Variants in CCDC30 observed in about 807,000 individuals in gnomAD.
CCDC30 encodes coiled-coil domain containing 30, also known as coiled-coil domain-containing protein 30.
In CCDC30, 70 loss-of-function variants were observed where a neutral mutation model predicts 100.2. The observed-to-expected ratio is 0.70, with a 90% CI of 0.58 to 0.85. The LOEUF (loss-of-function observed/expected upper bound fraction) is 0.85. CCDC30 is among the 40% of genes least tolerant of loss of function. The pLI is 0.00. For missense variants in CCDC30, 652 were observed against 771.2 expected, an observed-to-expected ratio of 0.85 and a Z score of 1.83; for synonymous variants, 233 against 269.5, an observed-to-expected ratio of 0.86 and a Z score of 1.33.
At chr1:42,643,044 A>G (rs1341075613) in intron 13 of CCDC30, among the ~76,000 whole-genome samples, 5 of 152,340 alleles carry the variant, frequency 3.3e-5, no homozygotes, top group South Asian at 4.1e-4. Flanking sequence ...AATAAGTCAT[A>G]TATCAGCCAG....
intron 6 of CCDC30, among the ~76,000 whole-genome samples, chr1:42,510,984 C>CTTCA (rs1644469456): frequency 6.6e-6 from 1 of 151,998 alleles, no homozygotes; most frequent in African/African-American, 2.4e-5. Flanking sequence ...AGTCCTTGTG[C>CTTCA]TTCAGAAAGC....
At chr1:42,617,157 G>T (rs1646741331) in intron 11 of CCDC30, among the ~76,000 whole-genome samples, 1 of 152,040 alleles carries the variant, frequency 6.6e-6, no homozygotes, top group Non-Finnish European at 1.5e-5. Flanking sequence ...ATAATAAATT[G>T]GTCTGGCATG....
intron 10 of CCDC30, among the ~76,000 whole-genome samples, chr1:42,598,376 G>T (rs973628724): frequency 2.0e-5 from 3 of 149,700 alleles, no homozygotes; most frequent in Non-Finnish European, 3.0e-5. Context: ...ATATTAGCTG[G>T]ATGTGGTGGC....
At chr1:42,643,810 C>A (rs1647648819) in intron 13 of CCDC30, among the ~76,000 whole-genome samples, 1 of 152,168 alleles carries the variant, frequency 6.6e-6, no homozygotes, top group Admixed American at 6.5e-5. Flanking sequence ...AAGTACATGG[C>A]AAGTACTTGA....
intron 10 of CCDC30, among the ~76,000 whole-genome samples, chr1:42,602,645 A>G (rs1646426936): frequency 6.6e-6 from 1 of 152,248 alleles, no homozygotes; most frequent in Non-Finnish European, 1.5e-5. Context: ...AATTGAATCC[A>G]CATACTAACC....
chr1:42,590,342 A>C (rs1364903591), intron 10 of CCDC30: 2 of 152,228 alleles, frequency 1.3e-5, no homozygotes, highest in Non-Finnish European at 2.9e-5. Flanking sequence ...GACACAGAAA[A>C]TTGGTACCAA....
intron 6 of CCDC30, among the ~76,000 whole-genome samples, chr1:42,538,787 A>C (rs1644957511): frequency 6.6e-6 from 1 of 152,218 alleles, no homozygotes. Context: ...TAAACCACAT[A>C]GCACTTTGTT....
chr1:42,505,704 A>G (rs1220953488), intron 6 of CCDC30, among the ~76,000 whole-genome samples: 6 of 152,210 alleles, frequency 3.9e-5, no homozygotes, highest in Non-Finnish European at 1.5e-5. Flanking sequence ...ATGGGTTTTT[A>G]TCCTTAAATA....
At chr1:42,520,853 T>C (rs1208550905) in intron 6 of CCDC30, among the ~76,000 whole-genome samples, 10 of 151,088 alleles carry the variant, frequency 6.6e-5, no homozygotes, top group Admixed American at 4.0e-4. Flanking sequence ...TTCACTGTAT[T>C]AGCCAGGATG....
chr1:42,600,678 G>A (rs1282388666), intron 10 of CCDC30, among the ~76,000 whole-genome samples: 1 of 152,176 alleles, frequency 6.6e-6, no homozygotes, highest in South Asian at 2.1e-4. Flanking sequence ...TGTTGGAGGA[G>A]GGGCCTTGTG....
At chr1:42,528,914 T>C (rs12408085) in intron 6 of CCDC30, among the ~76,000 whole-genome samples, 20,728 of 152,264 alleles carry the variant, frequency 0.14, 1,555 homozygotes, top group East Asian at 0.19. Flanking sequence ...AAAGATCACA[T>C]GGTTTTCCCT....
chr1:42,492,394 A>G (rs897138170), intron 4 of CCDC30: 1 of 198,050 alleles, frequency 5.0e-6, no homozygotes, highest in Admixed American at 5.9e-5. Context: ...TTGATTTGGG[A>G]AAATTCATGA....
intron 10 of CCDC30, chr1:42,594,085 T>A (rs945434466): frequency 1.3e-5 from 2 of 152,224 alleles, no homozygotes. Context: ...ATAATTCATA[T>A]AAATAAAGAC....
At chr1:42,486,193 T>C (rs1298072287) in intron 3 of CCDC30, among the ~76,000 whole-genome samples, 1 of 152,188 alleles carries the variant, frequency 6.6e-6, no homozygotes, top group East Asian at 1.9e-4. Context: ...CAATATTAGT[T>C]ACAGTAGCCA....
At chr1:42,465,864 G>A (rs1030946489) in intron 1 of CCDC30, among the ~76,000 whole-genome samples, 2 of 152,106 alleles carry the variant, frequency 1.3e-5, no homozygotes, top group African/African-American at 4.8e-5. Flanking sequence ...GTAGTGCCAG[G>A]GTTGAGAAAC....
chr1:42,456,584 G>A, the CCDC30 span: 3 of 1,494,448 alleles, frequency 2.0e-6, no homozygotes, highest in African/African-American at 4.2e-5. Context: ...AATGGATCCG[G>A]TAGCCGAGTT....
At chr1:42,589,509 T>C (rs1646142357) in intron 10 of CCDC30, 26 bp downstream of exon 14, 1 of 1,592,644 alleles carries the variant, frequency 6.3e-7, no homozygotes, top group African/African-American at 1.3e-5. Context: ...GACATGCTTC[T>C]CAGTTTTCCT....
At chr1:42,641,688 G>A (rs567043001) in intron 12 of CCDC30, among the ~76,000 whole-genome samples, 8 of 152,140 alleles carry the variant, frequency 5.3e-5, no homozygotes, top group South Asian at 2.1e-4. Flanking sequence ...CCAACATGGC[G>A]AAACCCTGTC....
At chr1:42,540,837 A>G (rs1029220275) in intron 6 of CCDC30, among the ~76,000 whole-genome samples, 18 of 152,230 alleles carry the variant, frequency 1.2e-4, no homozygotes, top group African/African-American at 4.1e-4. Context: ...TTGACACAAT[A>G]CCATTATCTA....
Sources: allele counts gnomAD v4.1 joint callset (sites outside exome capture counted in the v4.1 genomes callset), GRCh38; gene constraint gnomAD v4.1.1; transcripts MANE v1.5; gene names NCBI Gene and HGNC (gene_info 2026-07-23, HGNC 2026-07-21).